The following ATF6 variants were observed in gnomAD, a reference collection of about 807,000 sequenced individuals.
ATF6 encodes the protein activating transcription factor 6.
Under a neutral mutation model 83.6 loss-of-function variants are expected in ATF6, and 53 were observed. That is an observed-to-expected ratio of 0.63 (90% confidence interval 0.51 to 0.80). The LOEUF (loss-of-function observed/expected upper bound fraction) is 0.80, where lower values mean the gene tolerates loss of function less well. Among genes scored for constraint, ATF6 ranks in the 30% least tolerant of loss-of-function variants. The probability of loss-of-function intolerance (pLI) is 0.00; values close to 1 mark genes in which losing one functional copy is unlikely to be tolerated. For synonymous variants in ATF6, 288 were observed against 285.8 expected (o/e 1.01, Z -0.08); for missense variants, 744 against 797.9 (o/e 0.93, Z 0.81).
At chr1:161,913,372 G>A (rs374151655) in intron 15 of ATF6, among the ~76,000 whole-genome samples, 1 of 152,074 alleles carries the variant, frequency 6.6e-6, no homozygotes, top group East Asian at 1.9e-4. Flanking sequence ...AATTTTGGGG[G>A]GATTCCAGAT....
chr1:161,922,538 GAGAA>G (rs1360873924), intron 15 of ATF6, among the ~76,000 whole-genome samples: 2 of 152,092 alleles, frequency 1.3e-5, no homozygotes, highest in Non-Finnish European at 2.9e-5. Context: ...GACAGTTTGG[GAGAA>G]AGAAAGAAAT....
At chr1:161,923,823 C>A (rs1688260307) in intron 15 of ATF6, among the ~76,000 whole-genome samples, 1 of 152,170 alleles carries the variant, frequency 6.6e-6, no homozygotes, top group Non-Finnish European at 1.5e-5. Context: ...ACCTAAGTGA[C>A]CTTCAGAGTC....
intron 12 of ATF6, among the ~76,000 whole-genome samples, chr1:161,854,214 G>A (rs1686705643): frequency 6.6e-6 from 1 of 152,132 alleles, no homozygotes; most frequent in East Asian, 1.9e-4. Context: ...AATCTCAGTA[G>A]CTTAATGGAA....
intron 14 of ATF6, among the ~76,000 whole-genome samples, chr1:161,877,413 G>A (rs1342982070): frequency 1.3e-5 from 2 of 152,056 alleles, no homozygotes; most frequent in African/African-American, 4.8e-5. Flanking sequence ...CAAACATGGG[G>A]GGAATTCAAG....
intron 15 of ATF6, among the ~76,000 whole-genome samples, chr1:161,918,426 C>G (rs1168216606): frequency 6.6e-6 from 1 of 152,062 alleles, no homozygotes; most frequent in East Asian, 1.9e-4. Flanking sequence ...ATAAATAAAA[C>G]CATGCAAAAA....
At chr1:161,832,596 C>T (rs956011914) in intron 9 of ATF6, among the ~76,000 whole-genome samples, 3 of 152,208 alleles carry the variant, frequency 2.0e-5, no homozygotes, top group East Asian at 1.9e-4. Context: ...AAACAGCACA[C>T]GAGGAGATTA....
At chr1:161,866,860 G>A (rs772064834) in intron 14 of ATF6, among the ~76,000 whole-genome samples, 2 of 152,148 alleles carry the variant, frequency 1.3e-5, no homozygotes, top group Non-Finnish European at 2.9e-5. Flanking sequence ...CAGTTCTCCT[G>A]TGTCAGTCTC....
chr1:161,874,758 A>G (rs1461883419), intron 14 of ATF6, among the ~76,000 whole-genome samples: 1 of 151,702 alleles, frequency 6.6e-6, no homozygotes, highest in Non-Finnish European at 1.5e-5. Context: ...AGCAATATGA[A>G]CTAGAGAGAA....
chr1:161,846,387 G>T, intron 9 of ATF6, 62 bp from the exon 10 acceptor site: 1 of 1,515,766 alleles, frequency 6.6e-7, no homozygotes, highest in Non-Finnish European at 8.9e-7. Context: ...ACAGCTGCAT[G>T]TAGCAGGCAT....
In ATF6 at chr1:161,921,282, A is replaced by G. The variant is rs563994610; in HGVS notation, c.1804+8902A>G. Among the ~76,000 whole-genome samples the G allele has an allele frequency of 1.1e-4, 17 of 152,352 alleles. No homozygotes were observed. The South Asian group carries it at 3.5e-3, about 32-fold the overall frequency. On this transcript the variant is annotated intron_variant, in intron 15 of 15. Transcript: ENST00000367942. ...TTATTGCATGGGATGCAGCCAGATG[A>G]TTTAGGTCATTAATGAGTTGAGGAA...
intron 1 of ATF6, among the ~76,000 whole-genome samples, chr1:161,772,513 A>G (rs1684412887): frequency 6.6e-6 from 1 of 152,136 alleles, no homozygotes; most frequent in Admixed American, 6.5e-5. Context: ...TTACCCACCT[A>G]TCAACATGTT....
Position 161,813,745 on chromosome 1 carries a change from A to G in ATF6, c.910-5888A>G, listed in dbSNP as rs79274796. Among the ~76,000 whole-genome samples the G allele has an allele frequency of 8.4e-3, 1,282 of 152,150 alleles. 7 individuals carry two copies. Among genetic ancestry groups the G allele is most frequent in the Admixed American group, 0.017 (261 of 15,272 alleles). Reference sequence around the variant, plus strand: ...CTACAAGGTGACGTGATTTATTTTTATTTTTATTTTTAGATTTTCCAATTA... The same window carrying G: ...CTACAAGGTGACGTGATTTATTTTTGTTTTTATTTTTAGATTTTCCAATTA... On this transcript the variant is annotated intron_variant, in intron 7 of 15. Coordinates refer to ENST00000367942, the MANE Select transcript of ATF6 (RefSeq NM_007348.4).
chr1:161,820,216 C>G (rs1189249981), intron 8 of ATF6, among the ~76,000 whole-genome samples: 1 of 152,202 alleles, frequency 6.6e-6, no homozygotes, highest in South Asian at 2.1e-4. Context: ...TGTTACTATG[C>G]TGACTCCAAG....
intron 9 of ATF6, among the ~76,000 whole-genome samples, chr1:161,829,846 C>T (rs955086893): frequency 1.7e-4 from 26 of 152,156 alleles, no homozygotes; most frequent in African/African-American, 6.3e-4. Context: ...CAGCCAATAT[C>T]ATACTGAATG....
At chr1:161,782,413 C>G (rs1161357507) in intron 3 of ATF6, among the ~76,000 whole-genome samples, 2 of 152,098 alleles carry the variant, frequency 1.3e-5, no homozygotes, top group Non-Finnish European at 2.9e-5. Context: ...CTGGCTGATA[C>G]TAATATCTTT....
In ATF6 at chr1:161,817,160, G is replaced by A. The variant is rs186691998; in HGVS notation, c.910-2473G>A. On this transcript the variant is annotated intron_variant, in intron 7 of 15. Transcript: ENST00000367942. Reference sequence around the variant, plus strand: ...AAACTTGAATGCTGTGTAATATTCAGGTGCTTTTATTGTTTATAGAAATGC... The same window carrying A: ...AAACTTGAATGCTGTGTAATATTCAAGTGCTTTTATTGTTTATAGAAATGC... Among the ~76,000 whole-genome samples the A allele has an allele frequency of 5.9e-5, 9 of 152,282 alleles. No homozygotes were observed. The East Asian group carries it at 1.7e-3, about 29-fold the overall frequency.
chr1:161,902,557 A>G (rs1687807613), intron 14 of ATF6, among the ~76,000 whole-genome samples: 1 of 152,226 alleles, frequency 6.6e-6, no homozygotes, highest in South Asian at 2.1e-4. Context: ...CAAAGTGCAA[A>G]AAGGCTTGAA....
chr1:161,891,753 T>C (rs897396183), intron 14 of ATF6: 3 of 152,216 alleles, frequency 2.0e-5, no homozygotes, highest in African/African-American at 7.2e-5. Flanking sequence ...TGGTTATTAA[T>C]GACTCTACAG....
chr1:161,898,687 A>G (rs1282433848), intron 14 of ATF6, among the ~76,000 whole-genome samples: 1 of 152,056 alleles, frequency 6.6e-6, no homozygotes, highest in Non-Finnish European at 1.5e-5. Context: ...AGCTGGGACT[A>G]TAGGCGCACG....
Sources: allele counts gnomAD v4.1 joint callset (sites outside exome capture counted in the v4.1 genomes callset), GRCh38; gene constraint gnomAD v4.1.1; transcripts MANE v1.5; gene names NCBI Gene and HGNC (gene_info 2026-07-23, HGNC 2026-07-21).